The following FHIT variants were observed in gnomAD, a reference collection of about 807,000 sequenced individuals.
The protein encoded by FHIT is bis(5'-adenosyl)-triphosphatase.
A neutral mutation model predicts 17.9 loss-of-function variants in FHIT; 19 were observed. That is an observed-to-expected ratio of 1.06 (90% CI 0.74 to 1.56). The LOEUF (loss-of-function observed/expected upper bound fraction) is 1.56, where lower values mean the gene tolerates loss of function less well. Ranked by LOEUF, FHIT falls within the 40% of genes most tolerant of loss-of-function variation. The pLI, the probability that FHIT is intolerant of heterozygous loss-of-function variation, is 0.00. For missense variants in FHIT, 248 were observed against 189.2 expected (o/e 1.31, Z -1.82); for synonymous variants, 81 against 69.7 (o/e 1.16, Z -0.81).
At chr3:60,225,078 C>A (rs28387016) in intron 5 of FHIT, among the ~76,000 whole-genome samples, 2,002 of 152,228 alleles carry the variant, frequency 0.013, 48 homozygotes, top group African/African-American at 0.045. Context: ...GTCTTCCCCC[C>A]AAGCTAGGTA....
At chr3:60,491,705 G>T (rs2034075516) in intron 5 of FHIT, among the ~76,000 whole-genome samples, 1 of 152,092 alleles carries the variant, frequency 6.6e-6, no homozygotes, top group Non-Finnish European at 1.5e-5. Context: ...TTTTAGCCAT[G>T]GATTTAAACG....
chr3:60,466,393 C>G (rs574228040), intron 5 of FHIT, among the ~76,000 whole-genome samples: 1 of 152,180 alleles, frequency 6.6e-6, no homozygotes, highest in Non-Finnish European at 1.5e-5. Flanking sequence ...ATTTCTCTAG[C>G]TATGACTTCC....
At chr3:61,079,498 T>C (rs1047932981) in intron 2 of FHIT, among the ~76,000 whole-genome samples, 1 of 152,168 alleles carries the variant, frequency 6.6e-6, no homozygotes, top group Non-Finnish European at 1.5e-5. Context: ...AAAAATGTCA[T>C]TTTTCTGTTC....
At chr3:60,939,411 C>A (rs553456861) in intron 3 of FHIT, among the ~76,000 whole-genome samples, 23 of 152,120 alleles carry the variant, frequency 1.5e-4, no homozygotes, top group Non-Finnish European at 2.5e-4. Flanking sequence ...AATATTTACC[C>A]TTTAGTCCTT....
intron 3 of FHIT, among the ~76,000 whole-genome samples, chr3:60,903,820 C>T (rs903056654): frequency 2.0e-5 from 3 of 152,304 alleles, no homozygotes; most frequent in Admixed American, 6.5e-5. Flanking sequence ...AAGAATTGGA[C>T]TGCCAATGAG....
At chr3:60,424,968 T>C (rs1576632971) in intron 5 of FHIT, among the ~76,000 whole-genome samples, 1 of 152,162 alleles carries the variant, frequency 6.6e-6, no homozygotes, top group Non-Finnish European at 1.5e-5. Context: ...TAATCCTATC[T>C]TCCCTTTAAC....
intron 5 of FHIT, among the ~76,000 whole-genome samples, chr3:60,172,467 A>T (rs1387983912): frequency 1.4e-5 from 2 of 147,644 alleles, no homozygotes; most frequent in Admixed American, 6.7e-5. Flanking sequence ...GTAGACATGG[A>T]GTTTCTCCAT....
At chr3:61,118,003 G>C (rs1191012100) in intron 2 of FHIT, among the ~76,000 whole-genome samples, 1 of 152,050 alleles carries the variant, frequency 6.6e-6, no homozygotes, top group Non-Finnish European at 1.5e-5. Context: ...TTTACTCATT[G>C]TCTTCTGAAA....
intron 5 of FHIT, among the ~76,000 whole-genome samples, chr3:60,196,619 G>T (rs917942932): frequency 1.3e-5 from 2 of 152,028 alleles, no homozygotes; most frequent in Admixed American, 1.3e-4. Context: ...CTACCAAAGT[G>T]GGTTAGGGAC....
At chr3:61,207,654 T>A (rs996033239) in intron 1 of FHIT, among the ~76,000 whole-genome samples, 4 of 152,214 alleles carry the variant, frequency 2.6e-5, no homozygotes, top group African/African-American at 9.6e-5. Flanking sequence ...TTCTGTGGGA[T>A]CGGTGTTGAT....
At chr3:60,366,152 G>T (rs905296809) in intron 5 of FHIT, among the ~76,000 whole-genome samples, 2 of 152,114 alleles carry the variant, frequency 1.3e-5, no homozygotes, top group Non-Finnish European at 2.9e-5. Flanking sequence ...CTGAATTTTG[G>T]TAAAAGGAAA....
At chr3:60,684,519 T>C (rs1163638841) in intron 4 of FHIT, among the ~76,000 whole-genome samples, 6 of 152,272 alleles carry the variant, frequency 3.9e-5, no homozygotes, top group Middle Eastern at 6.8e-3. Flanking sequence ...CATCACATTG[T>C]GTGACCTGTC....
chr3:61,074,808 G>A (rs968463885), intron 2 of FHIT, among the ~76,000 whole-genome samples: 11 of 152,114 alleles, frequency 7.2e-5, no homozygotes, highest in African/African-American at 2.4e-4. Flanking sequence ...AAAATGAAAA[G>A]GCTGTAATTC....
At chr3:59,876,658 C>T (rs1205251602) in intron 8 of FHIT, among the ~76,000 whole-genome samples, 1 of 152,240 alleles carries the variant, frequency 6.6e-6, no homozygotes, top group Non-Finnish European at 1.5e-5. Flanking sequence ...TAGTAGAGAA[C>T]ACCTCCTGCC....
intron 5 of FHIT, among the ~76,000 whole-genome samples, chr3:60,492,775 A>G (rs2034123092): frequency 6.6e-6 from 1 of 152,006 alleles, no homozygotes; most frequent in South Asian, 2.1e-4. Flanking sequence ...AATGACAGCA[A>G]TTTTTTAGTT....
intron 4 of FHIT, chr3:60,690,668 C>A: frequency 4.1e-6 from 2 of 492,584 alleles, no homozygotes; most frequent in Non-Finnish European, 8.2e-6. Context: ...GAGACGCAGC[C>A]CAAGGGCTCG....
At chr3:60,131,798 C>T (rs1487494134) in intron 5 of FHIT, among the ~76,000 whole-genome samples, 1 of 152,114 alleles carries the variant, frequency 6.6e-6, no homozygotes, top group South Asian at 2.1e-4. Flanking sequence ...CCTCCTCAGT[C>T]CATTCTCCAC....
chr3:59,889,779 T>TG (rs1304828232), intron 8 of FHIT, among the ~76,000 whole-genome samples: 4 of 152,226 alleles, frequency 2.6e-5, no homozygotes, highest in Admixed American at 1.3e-4. Flanking sequence ...CATGGGTTCA[T>TG]AAGCACACAC....
At chr3:61,161,727 C>T (rs2037700961) in intron 2 of FHIT, among the ~76,000 whole-genome samples, 2 of 152,058 alleles carry the variant, frequency 1.3e-5, no homozygotes, top group African/African-American at 4.8e-5. Flanking sequence ...CACATTTGCA[C>T]TAAATCAAAA....
Sources: allele counts gnomAD v4.1 joint callset (sites outside exome capture counted in the v4.1 genomes callset), GRCh38; gene constraint gnomAD v4.1.1; transcripts MANE v1.5; gene names NCBI Gene and HGNC (gene_info 2026-07-23, HGNC 2026-07-21).